CDH18: variants seen among roughly 807,000 people sequenced by gnomAD.
CDH18 encodes the protein cadherin-18.
Under a neutral mutation model 67.9 loss-of-function variants are expected in CDH18, and 31 were observed. That is an observed-to-expected ratio of 0.46 (90% CI 0.34 to 0.62). The LOEUF (loss-of-function observed/expected upper bound fraction) is 0.62, where lower values mean the gene tolerates loss of function less well. CDH18 is among the 20% of genes least tolerant of loss of function. The pLI, the probability that CDH18 is intolerant of heterozygous loss-of-function variation, is 0.01. For synonymous variants in CDH18, 362 were observed against 347.2 expected, an observed-to-expected ratio of 1.04 and a Z score of -0.48; for missense variants, 890 against 975.5, an observed-to-expected ratio of 0.91 and a Z score of 1.17.
chr5:19,526,676 A>G (rs1054467859), intron 9 of CDH18, among the ~76,000 whole-genome samples: 1 of 152,032 alleles, frequency 6.6e-6, no homozygotes, highest in East Asian at 1.9e-4. Flanking sequence ...CACCCAAACA[A>G]TCTAAATCAT....
At chr5:20,428,172 A>G (rs1748459225) in intron 1 of CDH18, among the ~76,000 whole-genome samples, 1 of 150,430 alleles carries the variant, frequency 6.6e-6, no homozygotes, top group Non-Finnish European at 1.5e-5. Context: ...CTCAACTCCC[A>G]CTTATGAGTG....
intron 3 of CDH18, among the ~76,000 whole-genome samples, chr5:19,824,594 C>T (rs1262810661): frequency 6.6e-6 from 1 of 152,190 alleles, no homozygotes; most frequent in South Asian, 2.1e-4. Flanking sequence ...GGTCCCAAAG[C>T]AGATGAGCAC....
At position 20,363,471 on chromosome 5, in the gene CDH18, C is replaced by T. The variant is rs1385622791; in HGVS notation, c.-579-107966G>A. Reference sequence around the variant, plus strand: ...AGCCTGGGCAACACAGAGCGAGACTCCGTATCAAAAAAAAAAAAAAAAAAA... The same window carrying T: ...AGCCTGGGCAACACAGAGCGAGACTTCGTATCAAAAAAAAAAAAAAAAAAA... On this transcript the variant is annotated intron_variant, in intron 1 of 14. Transcript: ENST00000507958. 3.7e-5 allele frequency among the ~76,000 whole-genome samples: 4 copies of T among 108,060 alleles called. No homozygotes were observed. The East Asian group carries it at 9.5e-4, about 26-fold the overall frequency. The allele number at this position is 108,060 out of a possible 152,430, so 70.9% of individuals were successfully genotyped here.
intron 1 of CDH18, among the ~76,000 whole-genome samples, chr5:20,398,454 C>T (rs574835937): frequency 2.2e-4 from 34 of 152,190 alleles, no homozygotes; most frequent in African/African-American, 7.9e-4. Context: ...TAATACTGTT[C>T]TGTATTAAGG....
intron 1 of CDH18, among the ~76,000 whole-genome samples, chr5:20,329,083 C>A (rs1738907668): frequency 6.6e-6 from 1 of 152,174 alleles, no homozygotes; most frequent in African/African-American, 2.4e-5. Context: ...CAAGCATGAA[C>A]TGTTTTAATA....
intron 2 of CDH18, among the ~76,000 whole-genome samples, chr5:20,009,009 A>C (rs1265073584): frequency 6.6e-6 from 1 of 152,144 alleles, no homozygotes; most frequent in Non-Finnish European, 1.5e-5. Context: ...ACACTCAAAT[A>C]GGACGCATAA....
At chr5:20,153,102 C>T (rs1751250464) in intron 2 of CDH18, among the ~76,000 whole-genome samples, 1 of 151,850 alleles carries the variant, frequency 6.6e-6, no homozygotes, top group South Asian at 2.1e-4. Context: ...GCCACCACGT[C>T]CAGCTAATTT....
intron 2 of CDH18, among the ~76,000 whole-genome samples, chr5:20,179,114 G>A (rs1442012012): frequency 6.6e-6 from 1 of 152,082 alleles, no homozygotes; most frequent in Non-Finnish European, 1.5e-5. Context: ...ATGTACGTTA[G>A]AGGAAAGTGA....
At chr5:19,883,312 T>C (rs961754258) in intron 2 of CDH18, among the ~76,000 whole-genome samples, 2 of 152,172 alleles carry the variant, frequency 1.3e-5, no homozygotes, top group Non-Finnish European at 2.9e-5. Flanking sequence ...CAAATTGTGT[T>C]ACACTCTGTG....
At chr5:20,210,268 A>G (rs149125651) in intron 2 of CDH18, among the ~76,000 whole-genome samples, 1,689 of 151,926 alleles carry the variant, frequency 0.011, 32 homozygotes, top group African/African-American at 0.038. Context: ...TTAATTTCAT[A>G]TTTCTTCTAT....
intron 1 of CDH18, among the ~76,000 whole-genome samples, chr5:20,356,942 CAT>C (rs1372360615): frequency 1.3e-5 from 2 of 149,986 alleles, no homozygotes; most frequent in African/African-American, 4.9e-5. Flanking sequence ...TATACACACA[CAT>C]ATATATGTAG....
chr5:20,196,653 T>A (rs1739004680), intron 2 of CDH18, among the ~76,000 whole-genome samples: 2 of 152,332 alleles, frequency 1.3e-5, no homozygotes, highest in Middle Eastern at 3.4e-3. Flanking sequence ...ATACCACATA[T>A]GAAATAGAAT....
chr5:19,976,797 CAG>C (rs35665225), intron 2 of CDH18, among the ~76,000 whole-genome samples: 64,625 of 151,620 alleles, frequency 0.43, 16,026 homozygotes, highest in Middle Eastern at 0.64. Context: ...GATATAAAGA[CAG>C]AAACAGGGAT....
chr5:20,330,005 A>T (rs1739013537), intron 1 of CDH18, among the ~76,000 whole-genome samples: 1 of 152,068 alleles, frequency 6.6e-6, no homozygotes, highest in South Asian at 2.1e-4. Context: ...TAAAATTCAG[A>T]TACAAATAAT....
chr5:20,173,629 T>C (rs1335496740), intron 2 of CDH18, among the ~76,000 whole-genome samples: 1 of 152,106 alleles, frequency 6.6e-6, no homozygotes, highest in Non-Finnish European at 1.5e-5. Context: ...GACTAGAGTA[T>C]GTAGATTAGA....
chr5:20,260,568 T>G, intron 1 of CDH18, among the ~76,000 whole-genome samples: 1 of 152,144 alleles, frequency 6.6e-6, no homozygotes, highest in African/African-American at 2.4e-5. Context: ...CAGAAAGACT[T>G]AAACAGTTCT....
rs189307025 is a variant in CDH18 at position 19,514,466 on chromosome 5, T to C, written c.1512+6191A>G. Reference sequence around the variant, plus strand: ...AACTAGTTTACATTCCCATCAACAGTGTAAAAGTGTTCCTATTTCTCCACA... The same window carrying C: ...AACTAGTTTACATTCCCATCAACAGCGTAAAAGTGTTCCTATTTCTCCACA... On this transcript the variant is annotated intron_variant, in intron 10 of 12. Transcript: ENST00000382275. Among the ~76,000 whole-genome samples the C allele has an allele frequency of 4.3e-3, 659 of 152,322 alleles. 4 individuals are homozygous for C. The highest frequency in any genetic ancestry group is 0.015 in the African/African-American group (628 of 41,570).
At chr5:20,092,079 A>AT (rs201962684) in intron 2 of CDH18, among the ~76,000 whole-genome samples, 195 of 152,034 alleles carry the variant, frequency 1.3e-3, no homozygotes, top group East Asian at 2.1e-3. Context: ...AGGTAATTGC[A>AT]TTTTTTTTAC....
intron 1 of CDH18, among the ~76,000 whole-genome samples, chr5:20,343,434 G>A (rs1464697401): frequency 1.3e-5 from 2 of 152,120 alleles, no homozygotes; most frequent in Non-Finnish European, 2.9e-5. Flanking sequence ...GGAATGCCAT[G>A]TCCCCCTGAG....
Sources: allele counts gnomAD v4.1 joint callset (sites outside exome capture counted in the v4.1 genomes callset), GRCh38; gene constraint gnomAD v4.1.1; transcripts MANE v1.5; gene names NCBI Gene and HGNC (gene_info 2026-07-23, HGNC 2026-07-21).